Variants in DCC observed in about 807,000 individuals in gnomAD.
DCC encodes netrin receptor DCC.
In DCC, 58 loss-of-function variants were observed where a neutral mutation model predicts 172.5. That is an observed-to-expected ratio of 0.34 (90% confidence interval 0.27 to 0.42). The LOEUF is 0.42. Ranked by LOEUF, DCC falls within the 10% of genes least tolerant of loss-of-function variation. The probability of loss-of-function intolerance (pLI) is 1.00; values close to 1 mark genes in which losing one functional copy is unlikely to be tolerated. For synonymous variants in DCC, 709 were observed against 644.5 expected (o/e 1.10, Z -1.52); for missense variants, 1,740 against 1,791.0 (o/e 0.97, Z 0.51).
chr18:53,316,467 A>C (rs756983031), intron 13 of DCC, among the ~76,000 whole-genome samples: 1 of 144,356 alleles, frequency 6.9e-6, no homozygotes, highest in Non-Finnish European at 1.5e-5. Context: ...AAATTTAAAG[A>C]AGTTTTTTTT....
chr18:53,101,825 GTATT>G (rs568962112), intron 7 of DCC, among the ~76,000 whole-genome samples: 6,605 of 115,054 alleles, frequency 0.057, 314 homozygotes, highest in African/African-American at 0.16. Flanking sequence ...GTGTGTGTGT[GTATT>G]TGTGTGTGTG....
At chr18:53,207,521 G>A (rs918555774) in intron 10 of DCC, among the ~76,000 whole-genome samples, 158 bp from the exon 11 acceptor site, 2 of 152,226 alleles carry the variant, frequency 1.3e-5, no homozygotes, top group African/African-American at 4.8e-5. Context: ...GGTTTTTAGT[G>A]GGGGAGTCTG....
chr18:52,913,048 G>T (rs1280547107), intron 3 of DCC, among the ~76,000 whole-genome samples: 6 of 152,130 alleles, frequency 3.9e-5, no homozygotes, highest in Non-Finnish European at 4.4e-5. Flanking sequence ...ACCTTTTATT[G>T]TGTACAACTA....
intron 19 of DCC, among the ~76,000 whole-genome samples, chr18:53,404,387 A>C (rs1252121543): frequency 1.1e-5 from 1 of 90,938 alleles, no homozygotes; most frequent in Non-Finnish European, 2.7e-5. Context: ...AGAAAGCTTA[A>C]TTTTGCTTCT....
At chr18:52,855,101 G>A (rs1309113885) in intron 2 of DCC, among the ~76,000 whole-genome samples, 2 of 152,174 alleles carry the variant, frequency 1.3e-5, no homozygotes, top group Non-Finnish European at 2.9e-5. Context: ...TAACACTATA[G>A]GGAGCTCTTG....
intron 12 of DCC, among the ~76,000 whole-genome samples, chr18:53,255,388 A>G (rs371552490): frequency 9.5e-6 from 1 of 104,890 alleles, no homozygotes; most frequent in Non-Finnish European, 1.8e-5. Context: ...ACAACAGGCC[A>G]TGGTGTGTGA....
chr18:52,422,647 C>T (rs1421110524), intron 1 of DCC, among the ~76,000 whole-genome samples: 1 of 151,982 alleles, frequency 6.6e-6, no homozygotes, highest in Non-Finnish European at 1.5e-5. Context: ...TCCAGGATGA[C>T]ACAAAAAGGT....
chr18:52,551,434 A>C (rs2032767020), intron 1 of DCC, among the ~76,000 whole-genome samples: 1 of 152,052 alleles, frequency 6.6e-6, no homozygotes, highest in Admixed American at 6.6e-5. Context: ...GCTCTACCAT[A>C]GCTTGTTATA....
intron 5 of DCC, among the ~76,000 whole-genome samples, chr18:53,050,490 C>G (rs747340343): frequency 6.6e-6 from 1 of 152,016 alleles, no homozygotes; most frequent in Non-Finnish European, 1.5e-5. Flanking sequence ...GATCTTTCAC[C>G]TTCCTGGTTA....
intron 1 of DCC, among the ~76,000 whole-genome samples, chr18:52,432,167 TC>T (rs1361275618): frequency 1.2e-4 from 18 of 152,270 alleles, no homozygotes; most frequent in African/African-American, 4.1e-4. Context: ...TCCCTGGGTT[TC>T]ATTGACCACT....
chr18:52,631,481 CT>C, intron 1 of DCC, among the ~76,000 whole-genome samples: 1 of 152,282 alleles, frequency 6.6e-6, no homozygotes, highest in East Asian at 1.9e-4. Context: ...AGGTACTGTC[CT>C]TTTCTTCACC....
chr18:52,497,276 AAAAAATATAT>A (rs1168352916), intron 1 of DCC, among the ~76,000 whole-genome samples: 5 of 72,998 alleles, frequency 6.8e-5, no homozygotes, highest in Admixed American at 5.1e-4. Flanking sequence ...AAAAAAAAAA[AAAAAATATAT>A]ATATATATAT....
intron 7 of DCC, among the ~76,000 whole-genome samples, chr18:53,128,860 CACACACACACATATATATATATATAT>C (rs762391216): frequency 4.0e-4 from 32 of 79,326 alleles, no homozygotes; most frequent in African/African-American, 1.4e-3. Flanking sequence ...CACACACACA[CACACACACACATATATATATATATAT>C]ATATATATAT....
At chr18:52,534,160 A>G (rs2032226775) in intron 1 of DCC, among the ~76,000 whole-genome samples, 1 of 152,058 alleles carries the variant, frequency 6.6e-6, no homozygotes, top group African/African-American at 2.4e-5. Flanking sequence ...TTTTTTTCAT[A>G]TTAGGATATT....
chr18:52,825,998 C>T (rs1381013179), intron 2 of DCC, among the ~76,000 whole-genome samples: 1 of 152,162 alleles, frequency 6.6e-6, no homozygotes, highest in Non-Finnish European at 1.5e-5. Flanking sequence ...TCAAATAACT[C>T]TTTCTCCCAA....
chr18:53,156,816 T>G (rs2144395527), intron 7 of DCC, among the ~76,000 whole-genome samples: 1 of 152,352 alleles, frequency 6.6e-6, no homozygotes, highest in Non-Finnish European at 1.5e-5. Flanking sequence ...ATACATGTGT[T>G]CATTCGTTTA....
At chr18:53,067,700 C>T (rs2042593298) in intron 7 of DCC, among the ~76,000 whole-genome samples, 3 of 152,118 alleles carry the variant, frequency 2.0e-5, no homozygotes, top group Admixed American at 6.5e-5. Context: ...AATACAGATC[C>T]AAATACTTCA....
intron 7 of DCC, among the ~76,000 whole-genome samples, chr18:53,086,948 G>C (rs190077484): frequency 0.094 from 14,242 of 150,890 alleles, 1,045 homozygotes; most frequent in East Asian, 0.35. Flanking sequence ...TTTTTATGGG[G>C]GCATAGTATT....
In DCC at chr18:52,559,408, G is replaced by A. The variant is rs180864258; in HGVS notation, c.92-192646G>A. Among the ~76,000 whole-genome samples the A allele has an allele frequency of 2.6e-5, 4 of 152,286 alleles. No homozygotes were observed. In the East Asian group the frequency reaches 7.7e-4, roughly 29 times the overall value. ...TTAGAGGCGTGAGCCACCATGCCCA[G>A]CCTAAGAGAGGTTATTTGAAATATA... On this transcript the variant is annotated intron_variant, in intron 1 of 28. Transcript: ENST00000442544.
Sources: allele counts gnomAD v4.1 joint callset (sites outside exome capture counted in the v4.1 genomes callset), GRCh38; gene constraint gnomAD v4.1.1; transcripts MANE v1.5; gene names NCBI Gene and HGNC (gene_info 2026-07-23, HGNC 2026-07-21).